AP4E1: variants seen among roughly 807,000 people sequenced by gnomAD.
The protein encoded by AP4E1 is adaptor related protein complex 4 subunit epsilon 1.
Under a neutral mutation model 128.2 loss-of-function variants are expected in AP4E1, and 56 were observed. The observed-to-expected ratio is 0.44, with a 90% CI of 0.35 to 0.55. The LOEUF (loss-of-function observed/expected upper bound fraction) is 0.55, where lower values mean the gene tolerates loss of function less well. Ranked by LOEUF, AP4E1 falls within the 20% of genes least tolerant of loss-of-function variation. The probability of loss-of-function intolerance (pLI) is 0.00; values close to 1 mark genes in which losing one functional copy is unlikely to be tolerated. For synonymous variants in AP4E1, 484 were observed against 473.1 expected (o/e 1.02, Z -0.30); for missense variants, 1,324 against 1,307.7 (o/e 1.01, Z -0.19).
At chr15:50,921,742 C>G (rs1174548453) in intron 3 of AP4E1, among the ~76,000 whole-genome samples, 1 of 152,190 alleles carries the variant, frequency 6.6e-6, no homozygotes, top group African/African-American at 2.4e-5. Flanking sequence ...TTTCTGTACT[C>G]AAAGCTTGTA....
At chr15:50,907,501 C>T (rs1596445547), upstream of AP4E1, among the ~76,000 whole-genome samples, 1 of 151,924 alleles carries the variant, frequency 6.6e-6, no homozygotes. Context: ...CAAGTTTGTT[C>T]CCCTTGAAGG....
rs769053851 is a variant in AP4E1, at chr15:50,941,586, A to T, written c.1066+22A>T. The T allele has an allele frequency of 4.3e-6, 7 of 1,612,558 alleles. No homozygotes were observed. The South Asian group carries it at 4.4e-5, about 10-fold the overall frequency. ...TTAGGTAAGATGATTGGTTCTTTTG[A>T]CAGAAATTACAGAGATAGCTTTTGA... On this transcript the variant is annotated intron_variant, in intron 9 of 20. Transcript: ENST00000261842.
At chr15:50,945,013 A>G in intron 10 of AP4E1, 2 of 771,872 alleles carry the variant, frequency 2.6e-6, no homozygotes, top group South Asian at 1.4e-5. Context: ...ATACGTACTC[A>G]CTTTTGTGGG....
In AP4E1 at chr15:50,990,133, A is replaced by G. The variant is rs201017153; in HGVS notation, c.2091-3237A>G. On this transcript the variant is annotated intron_variant, in intron 16 of 20. Coordinates refer to ENST00000261842, the MANE Select transcript of AP4E1 (RefSeq NM_007347.5). The stretch of plus-strand genomic sequence containing the variant: ...AGTTACTTGGTCAGAATTTACATCT[A>G]TGTTTGAATGGTCTGAATAAAAACA... Among the ~76,000 whole-genome samples, 10 of 152,186 alleles carry G rather than the reference A, an allele frequency of 6.6e-5. No individual in the cohort carries two copies. In the East Asian group the frequency reaches 1.9e-3, roughly 29 times the overall value.
At chr15:50,916,121 G>A (rs1041106535) in intron 3 of AP4E1, 1 of 158,206 alleles carries the variant, frequency 6.3e-6, no homozygotes, top group African/African-American at 2.4e-5. Flanking sequence ...GTAGAGATGG[G>A]GTTTCACTAT....
intron 7 of AP4E1, among the ~76,000 whole-genome samples, chr15:50,933,053 A>T (rs2063855411): frequency 6.6e-6 from 1 of 152,170 alleles, no homozygotes; most frequent in South Asian, 2.1e-4. Context: ...TGAATTTATT[A>T]AATTCATTAA....
At chr15:50,950,944 A>G (rs1322259021) in intron 13 of AP4E1, among the ~76,000 whole-genome samples, 2 of 152,208 alleles carry the variant, frequency 1.3e-5, no homozygotes. Flanking sequence ...TGCAAAGGAC[A>G]TGATCTTGTT....
chr15:50,954,717 T>G (rs1276329992), intron 13 of AP4E1, among the ~76,000 whole-genome samples: 1 of 152,332 alleles, frequency 6.6e-6, no homozygotes, highest in Non-Finnish European at 1.5e-5. Flanking sequence ...AAAGTTACTT[T>G]AAGTTCTAGG....
At chr15:50,995,980 CTTTTTTTTTTT>C (rs1199189475) in intron 17 of AP4E1, among the ~76,000 whole-genome samples, 5 of 91,796 alleles carry the variant, frequency 5.4e-5, no homozygotes, top group South Asian at 3.9e-4. Flanking sequence ...TAATATACAT[CTTTTTTTTTTT>C]TTTTTTTTTT....
chr15:50,927,640 A>C (rs1002784397), intron 5 of AP4E1, among the ~76,000 whole-genome samples: 5 of 151,812 alleles, frequency 3.3e-5, no homozygotes, highest in African/African-American at 1.2e-4. Flanking sequence ...CTAACAGTAA[A>C]TCTGTTATTA....
chr15:50,912,280 A>T (rs1011327203), intron 2 of AP4E1, 131 bp downstream of exon 2: 8 of 865,874 alleles, frequency 9.2e-6, no homozygotes, highest in Admixed American at 7.5e-5. Flanking sequence ...TATAGTTGGT[A>T]GCAACTCAGA....
At position 50,929,047 on chromosome 15, in the gene AP4E1, A is replaced by T. The variant is rs778800441; in HGVS notation, c.581A>T (p.Lys194Ile). Residue 194 changes from lysine (K) to isoleucine (I), a missense_variant, in exon 6 of 21, where the codon AAA becomes ATA. Transcript: ENST00000261842. Reference sequence around the variant, plus strand: ...AGAAAAGCTGTTCTGGCATTATACAAATTCCATCTCATTGCTCCTAATCAA... The same window carrying T: ...AGAAAAGCTGTTCTGGCATTATACATATTCCATCTCATTGCTCCTAATCAA... ...VRRKAVLALY[K>I]FHLIAPNQVQ... The T allele has an allele frequency of 1.2e-6, 2 of 1,613,856 alleles. No individual in the cohort carries two copies.
chr15:50,961,956 A>C (rs2064320789), intron 14 of AP4E1, among the ~76,000 whole-genome samples: 1 of 151,792 alleles, frequency 6.6e-6, no homozygotes, highest in South Asian at 2.1e-4. Flanking sequence ...TCTGTACACC[A>C]AGCCAGAAAA....
chr15:50,917,158 A>G (rs560564419), intron 3 of AP4E1, among the ~76,000 whole-genome samples: 1 of 152,326 alleles, frequency 6.6e-6, no homozygotes, highest in Admixed American at 6.5e-5. Context: ...GGTTTTGATC[A>G]AAGAAGGAAA....
At chr15:50,939,234 A>C (rs1026109630) in intron 8 of AP4E1, among the ~76,000 whole-genome samples, 2 of 152,058 alleles carry the variant, frequency 1.3e-5, no homozygotes, top group African/African-American at 4.8e-5. Context: ...GCACTTTGGG[A>C]GGCTGAGTTG....
At chr15:50,954,436 A>G (rs1209331871) in intron 13 of AP4E1, among the ~76,000 whole-genome samples, 1 of 152,124 alleles carries the variant, frequency 6.6e-6, no homozygotes, top group African/African-American at 2.4e-5. Context: ...ATCTCAACTG[A>G]ATTTTCATTC....
rs2064128897 is a variant in AP4E1 at position 50,950,156 on chromosome 15, A to G, written c.1535A>G (p.Gln512Arg). Reference protein sequence around the residue: ...ENVFYPQRFLQVMSWVLGEYS... With the variant: ...ENVFYPQRFLRVMSWVLGEYS... ...GTGTTCTATCCACAGAGATTTCTTC[A>G]AGTTATGAGTTGGGTGAGCAAAGTA... Residue 512 changes from glutamine to arginine, a missense_variant, in exon 13 of 21, where the codon CAA becomes CGA. Coordinates refer to ENST00000261842, the MANE Select transcript of AP4E1 (RefSeq NM_007347.5). The G allele has an allele frequency of 6.2e-7, 1 of 1,609,952 alleles. No individual in the cohort carries two copies. Among genetic ancestry groups the G allele is most frequent in the South Asian group, 1.1e-5 (1 of 90,916 alleles).
rs2064994657 is a variant in AP4E1, at chr15:51,004,081, A to G, written c.*1419A>G. On this transcript the variant is annotated 3_prime_UTR_variant, in exon 21 of 21. Coordinates refer to ENST00000261842, the MANE Select transcript of AP4E1 (RefSeq NM_007347.5). Reference sequence around the variant, plus strand: ...ATCTTAATTTTATTCTTTTAAAAACATACAGTGAAGCCTTGCTACAAGAGT... The same window carrying G: ...ATCTTAATTTTATTCTTTTAAAAACGTACAGTGAAGCCTTGCTACAAGAGT... 1 of 152,234 alleles carries G rather than the reference A, an allele frequency of 6.6e-6. No homozygotes were observed. The highest frequency in any genetic ancestry group is 1.9e-4 in the East Asian group (1 of 5,196). 9.4% of individuals were successfully genotyped at this position (152,234 alleles called of 1,614,324 possible).
chr15:50,973,751 C>T (rs924934124), intron 15 of AP4E1, among the ~76,000 whole-genome samples: 14 of 152,158 alleles, frequency 9.2e-5, no homozygotes, highest in African/African-American at 2.4e-4. Flanking sequence ...GAATTTTCTT[C>T]GTTTTCAAAG....
Sources: allele counts gnomAD v4.1 joint callset (sites outside exome capture counted in the v4.1 genomes callset), GRCh38; gene constraint gnomAD v4.1.1; transcripts MANE v1.5; gene names NCBI Gene and HGNC (gene_info 2026-07-23, HGNC 2026-07-21).